Variants in CC2D2A observed in about 807,000 individuals in gnomAD.
CC2D2A encodes coiled-coil and C2 domain containing 2A, also known as coiled-coil and C2 domain-containing protein 2A.
A neutral mutation model predicts 212.9 loss-of-function variants in CC2D2A; 155 were observed. The observed-to-expected ratio is 0.73, with a 90% CI of 0.64 to 0.83. The LOEUF (loss-of-function observed/expected upper bound fraction) is 0.83, where lower values mean the gene tolerates loss of function less well. Among genes scored for constraint, CC2D2A ranks in the 40% least tolerant of loss-of-function variants. The probability of loss-of-function intolerance (pLI) is 0.00; values close to 1 mark genes in which losing one functional copy is unlikely to be tolerated. For synonymous variants in CC2D2A, 667 were observed against 686.5 expected, an observed-to-expected ratio of 0.97 and a Z score of 0.44; for missense variants, 1,856 against 1,956.2, an observed-to-expected ratio of 0.95 and a Z score of 0.97.
intron 15 of CC2D2A, 104 bp from the exon 16 acceptor site, chr4:15,537,795 A>G: frequency 1.6e-6 from 2 of 1,217,652 alleles, no homozygotes; most frequent in South Asian, 3.0e-5. Context: ...TCTGGTTGAA[A>G]TGGGGCTGGG....
intron 33 of CC2D2A, among the ~76,000 whole-genome samples, chr4:15,594,490 A>C (rs1023173062): frequency 6.6e-6 from 1 of 152,080 alleles, no homozygotes; most frequent in Non-Finnish European, 1.5e-5. Context: ...CTGTGGGTCA[A>C]CTGGGAGAGC....
chr4:15,528,514 C>A, intron 12 of CC2D2A, 106 bp from the exon 13 acceptor site: 1 of 787,508 alleles, frequency 1.3e-6, no homozygotes, highest in South Asian at 1.5e-5. Flanking sequence ...CCGTTCCATT[C>A]ACAGACTGAT....
At chr4:15,516,406 C>A (rs1313333379) in intron 10 of CC2D2A, among the ~76,000 whole-genome samples, 1 of 151,862 alleles carries the variant, frequency 6.6e-6, no homozygotes, top group Non-Finnish European at 1.5e-5. Flanking sequence ...CTTTAAAATA[C>A]TTTTTAGGAA....
intron 13 of CC2D2A, among the ~76,000 whole-genome samples, chr4:15,531,374 T>C (rs930816761): frequency 1.3e-5 from 2 of 152,246 alleles, no homozygotes; most frequent in African/African-American, 4.8e-5. Context: ...TCCAGCCATT[T>C]GTCCTTCTCA....
intron 4 of CC2D2A, chr4:15,481,833 T>C (rs1714683609): frequency 1.0e-6 from 1 of 985,436 alleles, no homozygotes; most frequent in South Asian, 4.7e-5. Flanking sequence ...ATGAAATTGT[T>C]AGGGAAGACA....
At chr4:15,536,426 G>A (rs904929889) in intron 14 of CC2D2A, among the ~76,000 whole-genome samples, 3 of 152,060 alleles carry the variant, frequency 2.0e-5, no homozygotes, top group African/African-American at 4.8e-5. Flanking sequence ...CCTGCATGTT[G>A]TGCACATGTA....
chr4:15,476,096 C>G (rs1714194966), intron 2 of CC2D2A, 125 bp downstream of exon 2: 1 of 785,808 alleles, frequency 1.3e-6, no homozygotes, highest in South Asian at 1.9e-5. Context: ...AAAAGCTTTA[C>G]ATGAATTAGA....
intron 11 of CC2D2A, among the ~76,000 whole-genome samples, chr4:15,524,653 G>A (rs12643658): frequency 0.16 from 23,403 of 148,778 alleles, 2,264 homozygotes; most frequent in East Asian, 0.45. Flanking sequence ...GGGTTTCACC[G>A]TGTTAGCCAG....
intron 4 of CC2D2A, among the ~76,000 whole-genome samples, chr4:15,489,194 A>C (rs1425176246): frequency 6.6e-6 from 1 of 152,252 alleles, no homozygotes; most frequent in African/African-American, 2.4e-5. Context: ...AATATGATGC[A>C]AATGAAAGGA....
rs73798608 is a variant in CC2D2A at position 15,529,483 on chromosome 4, A to G, written c.1466+757A>G. 4.7e-3 allele frequency among the ~76,000 whole-genome samples: 715 copies of G among 152,306 alleles called. 10 individuals carry two copies. The highest frequency in any genetic ancestry group is 0.016 in the African/African-American group (679 of 41,578). ...AGTGAATTTCTGTACCACAGTTAAA[A>G]TGACTGACTCATATCTGCAGGTATC... On this transcript the variant is annotated intron_variant, in intron 13 of 36. Transcript: ENST00000424120.
intron 33 of CC2D2A, 133 bp downstream of exon 33, chr4:15,589,812 T>C: frequency 4.1e-5 from 7 of 172,114 alleles, no homozygotes; most frequent in Non-Finnish European, 5.2e-5. Flanking sequence ...CACATATATA[T>C]ATACCAGTTA....
chr4:15,597,533 T>C (rs1241687322), intron 35 of CC2D2A, 68 bp downstream of exon 35: 6 of 1,209,144 alleles, frequency 5.0e-6, no homozygotes, highest in Non-Finnish European at 7.2e-6. Flanking sequence ...TTTAAACCAC[T>C]GTCAGCCTGG....
chr4:15,574,233 T>G lies in CC2D2A; in HGVS notation c.3678T>G (p.Phe1226Leu). ...GAAATATGATTCTTGAGCGGGGTTT[T>G]GATTCTGTCCGAAGCTTAAGTGAAG... ...KERNMILERG[F>L]DSVRSLSEGS... The change falls in exon 29 of 37, where the codon TTT becomes TTG. Residue 1226 changes from phenylalanine (F) to leucine (L), a missense_variant. This residue lies in a region of CC2D2A where 1,512 missense variants were observed against 1,579.3 expected (regional missense o/e 0.96). Coordinates refer to ENST00000424120, the MANE Select transcript of CC2D2A (RefSeq NM_001378615.1). 1 of 1,551,598 alleles carries G rather than the reference T, an allele frequency of 6.4e-7. No homozygotes were observed. The highest frequency in any genetic ancestry group is 8.7e-7 in the Non-Finnish European group (1 of 1,146,900).
chr4:15,479,212 C>G (rs2108970861), intron 3 of CC2D2A: 1 of 1,535,086 alleles, frequency 6.5e-7, no homozygotes, highest in Non-Finnish European at 8.7e-7. Context: ...CAAATTCTGT[C>G]TTTGAGGCAG....
chr4:15,510,194 G>A lies in CC2D2A; in HGVS notation c.494G>A (p.Arg165Lys), dbSNP rs911542623. ...GAAGTTGACTCCCAAAGTTACTCAA[G>A]AGTCAAGTTCCATGATTCTGCACGA... ...QQEVDSQSYS[R>K]VKFHDSARKI... Residue 165 changes from arginine to lysine, a missense_variant, in exon 7 of 37, where the codon AGA (arginine) becomes AAA (lysine). Physicochemically the swap from Arg to Lys is conservative, Grantham distance 26. This residue lies in a region of CC2D2A where 1,512 missense variants were observed against 1,579.3 expected (regional missense o/e 0.96). Transcript: ENST00000424120. 1 of 1,613,656 alleles carries A rather than the reference G, an allele frequency of 6.2e-7. No homozygotes were observed. The highest frequency in any genetic ancestry group is 1.1e-5 in the South Asian group (1 of 90,980).
chr4:15,561,777 T>C (rs1485752941), intron 23 of CC2D2A, among the ~76,000 whole-genome samples: 2 of 152,132 alleles, frequency 1.3e-5, no homozygotes, highest in Non-Finnish European at 2.9e-5. Context: ...AGTGTTGTCA[T>C]GTTAGGACCT....
At chr4:15,505,333 G>A (rs555355838) in intron 6 of CC2D2A, among the ~76,000 whole-genome samples, 22 of 152,288 alleles carry the variant, frequency 1.4e-4, no homozygotes, top group Middle Eastern at 3.4e-3. Context: ...CAAAGTAGAA[G>A]TAACACAGAA....
At chr4:15,544,217 C>T (rs1381351055) in intron 17 of CC2D2A, among the ~76,000 whole-genome samples, 4 of 152,190 alleles carry the variant, frequency 2.6e-5, no homozygotes, top group Non-Finnish European at 4.4e-5. Context: ...TAAAGAAACG[C>T]AAACTCCAGA....
chr4:15,536,835 C>T, intron 14 of CC2D2A, 85 bp from the exon 15 acceptor site: 1 of 1,300,334 alleles, frequency 7.7e-7, no homozygotes, highest in South Asian at 1.5e-5. Flanking sequence ...TGGCACATAG[C>T]AAGTCCAATA....
Sources: gnomAD v4.1 joint callset for allele counts (sites outside exome capture counted in the v4.1 genomes callset) on GRCh38, gnomAD v4.1.1 for gene constraint, gnomAD v4.1.1 regional missense constraint, MANE v1.5 for transcripts, NCBI Gene and HGNC (gene_info 2026-07-23, HGNC 2026-07-21) for gene names.